GPC6: variants seen among roughly 807,000 people sequenced by gnomAD.
The protein encoded by GPC6 is glypican-6.
GPC6 carries 14 observed loss-of-function variants against 55.2 expected under a neutral mutation model. That is an observed-to-expected ratio of 0.25 (90% CI 0.17 to 0.40). The LOEUF is 0.40. Ranked by LOEUF, GPC6 falls within the 10% of genes least tolerant of loss-of-function variation. GPC6 has a pLI of 1.00. For missense variants in GPC6, 641 were observed against 708.5 expected (o/e 0.90, Z 1.08); for synonymous variants, 278 against 259.6 (o/e 1.07, Z -0.68).
intron 2 of GPC6, among the ~76,000 whole-genome samples, chr13:93,674,946 GTGT>G (rs1181883916): frequency 6.6e-6 from 1 of 152,142 alleles, no homozygotes; most frequent in Non-Finnish European, 1.5e-5. Context: ...AAAAGAAAAG[GTGT>G]TGTTTTGTTC....
At chr13:94,257,492 C>G (rs1436854286) in intron 4 of GPC6, among the ~76,000 whole-genome samples, 1 of 152,154 alleles carries the variant, frequency 6.6e-6, no homozygotes, top group Non-Finnish European at 1.5e-5. Context: ...TGGCCCTGGT[C>G]CACCTGTCAG....
At chr13:93,934,244 G>A (rs1276491025) in intron 3 of GPC6, among the ~76,000 whole-genome samples, 19 of 152,086 alleles carry the variant, frequency 1.2e-4, no homozygotes, top group Admixed American at 1.1e-3. Flanking sequence ...AAATATGGCC[G>A]TTTTGAATGG....
At chr13:94,223,644 A>G (rs1358828447) in intron 4 of GPC6, among the ~76,000 whole-genome samples, 1 of 152,110 alleles carries the variant, frequency 6.6e-6, no homozygotes, top group African/African-American at 2.4e-5. Flanking sequence ...CCTCACACAC[A>G]TTATCATATA....
chr13:93,382,222 A>C (rs2139205524), intron 1 of GPC6, among the ~76,000 whole-genome samples: 1 of 152,268 alleles, frequency 6.6e-6, no homozygotes, highest in African/African-American at 2.4e-5. Context: ...AGTGTACTGT[A>C]ATAGACGCTT....
At chr13:94,107,071 A>G (rs560967953) in intron 4 of GPC6, among the ~76,000 whole-genome samples, 7 of 152,220 alleles carry the variant, frequency 4.6e-5, no homozygotes, top group Non-Finnish European at 1.5e-5. Context: ...TGAAAGGAGC[A>G]AAAAAAGACG....
At chr13:94,224,076 G>A (rs1333826743) in intron 4 of GPC6, among the ~76,000 whole-genome samples, 2 of 151,828 alleles carry the variant, frequency 1.3e-5, no homozygotes, top group African/African-American at 4.8e-5. Context: ...GTAAGTGTAG[G>A]GCTGAAGTGC....
intron 2 of GPC6, among the ~76,000 whole-genome samples, chr13:93,763,946 A>G (rs1885033262): frequency 6.6e-6 from 1 of 152,220 alleles, no homozygotes; most frequent in East Asian, 1.9e-4. Context: ...GTCAGGAAAC[A>G]CTGTCTATAC....
At chr13:93,404,044 C>T (rs753473051) in intron 1 of GPC6, among the ~76,000 whole-genome samples, 61 of 152,180 alleles carry the variant, frequency 4.0e-4, no homozygotes, top group Non-Finnish European at 8.1e-4. Context: ...TCAGATTTCT[C>T]TTATGAGCTA....
chr13:93,417,392 CA>C (rs1876738980), intron 1 of GPC6, among the ~76,000 whole-genome samples: 1 of 152,064 alleles, frequency 6.6e-6, no homozygotes, highest in Admixed American at 6.6e-5. Flanking sequence ...GTCTCTGGAG[CA>C]CATCATGATA....
intron 2 of GPC6, among the ~76,000 whole-genome samples, chr13:93,676,126 A>AAAATAT (rs1881602576): frequency 1.9e-4 from 3 of 15,688 alleles, no homozygotes; most frequent in Admixed American, 2.4e-3. Context: ...AAAAAAAAAA[A>AAAATAT]ATATATATAT....
At chr13:93,710,558 C>T (rs543999901) in intron 2 of GPC6, among the ~76,000 whole-genome samples, 23 of 151,818 alleles carry the variant, frequency 1.5e-4, no homozygotes, top group South Asian at 4.1e-4. Flanking sequence ...TTCCTCATCT[C>T]GTCTATTAGG....
intron 2 of GPC6, among the ~76,000 whole-genome samples, chr13:93,813,213 C>T (rs888847242): frequency 2.2e-4 from 33 of 152,102 alleles, no homozygotes; most frequent in African/African-American, 6.5e-4. Context: ...GTCAGGAGTT[C>T]GAGACCAGCC....
At chr13:94,313,562 C>T (rs979664187) in intron 6 of GPC6, among the ~76,000 whole-genome samples, 7 of 152,172 alleles carry the variant, frequency 4.6e-5, no homozygotes, top group Admixed American at 1.3e-4. Context: ...ACTCTGGCTA[C>T]GTAACTCCCT....
At chr13:93,900,074 A>C (rs1876261010) in intron 3 of GPC6, among the ~76,000 whole-genome samples, 1 of 152,112 alleles carries the variant, frequency 6.6e-6, no homozygotes, top group Non-Finnish European at 1.5e-5. Context: ...TTCAACTATG[A>C]GTGTGAGATA....
chr13:93,277,107 A>G (rs1378253459), intron 1 of GPC6, among the ~76,000 whole-genome samples: 1 of 152,142 alleles, frequency 6.6e-6, no homozygotes, highest in Non-Finnish European at 1.5e-5. Flanking sequence ...ATTTCCTATA[A>G]GCCCTCTGCC....
chr13:93,822,359 A>G (rs1390995495), intron 2 of GPC6, among the ~76,000 whole-genome samples: 4 of 152,142 alleles, frequency 2.6e-5, no homozygotes, highest in Non-Finnish European at 5.9e-5. Context: ...AAATATACCA[A>G]TCCCAGAGGT....
intron 7 of GPC6, among the ~76,000 whole-genome samples, chr13:94,388,786 T>C (rs2139215760): frequency 6.6e-6 from 1 of 152,290 alleles, no homozygotes; most frequent in East Asian, 1.9e-4. Flanking sequence ...AGGGAGCTAG[T>C]ATGAGAAATC....
intron 6 of GPC6, among the ~76,000 whole-genome samples, chr13:94,360,402 T>C (rs1005152546): frequency 6.6e-6 from 1 of 152,168 alleles, no homozygotes; most frequent in Admixed American, 6.5e-5. Context: ...AGAAGCATAA[T>C]TGGGCAAATA....
At chr13:94,212,924 A>C (rs996064769) in intron 4 of GPC6, among the ~76,000 whole-genome samples, 4 of 152,182 alleles carry the variant, frequency 2.6e-5, no homozygotes, top group African/African-American at 4.8e-5. Context: ...TTGGGAGGCC[A>C]AGGTGGGCAG....
Sources: gnomAD v4.1 joint callset for allele counts (sites outside exome capture counted in the v4.1 genomes callset) on GRCh38, gnomAD v4.1.1 for gene constraint, MANE v1.5 for transcripts, NCBI Gene and HGNC (gene_info 2026-07-23, HGNC 2026-07-21) for gene names.